CMIP: variants seen among roughly 807,000 people sequenced by gnomAD.
The protein encoded by CMIP is C-Maf-inducing protein.
In CMIP, 13 loss-of-function variants were observed where a neutral mutation model predicts 97.3. The observed-to-expected ratio is 0.13, with a 90% CI of 0.09 to 0.21. The LOEUF (loss-of-function observed/expected upper bound fraction) is 0.21, where lower values mean the gene tolerates loss of function less well. Among genes scored for constraint, CMIP ranks in the 10% least tolerant of loss-of-function variants. The probability of loss-of-function intolerance (pLI) is 1.00; values close to 1 mark genes in which losing one functional copy is unlikely to be tolerated. For missense variants in CMIP, 847 were observed against 1,024.9 expected (o/e 0.83, Z 2.37); for synonymous variants, 538 against 436.3 (o/e 1.23, Z -2.91).
intron 1 of CMIP, among the ~76,000 whole-genome samples, chr16:81,489,851 C>T (rs1479847284): frequency 6.6e-6 from 1 of 152,242 alleles, no homozygotes; most frequent in Non-Finnish European, 1.5e-5. Context: ...GGGAACTTCC[C>T]CAGCTCTCCA....
At chr16:81,699,652 C>T (rs74379562) in intron 14 of CMIP, 33 bp from the exon 15 acceptor site, 2 of 1,440,102 alleles carry the variant, frequency 1.4e-6, no homozygotes, top group Admixed American at 1.7e-5. Context: ...CTGGGTGTCT[C>T]TGTCCCTTCA....
intron 1 of CMIP, among the ~76,000 whole-genome samples, chr16:81,593,660 C>A (rs1485729922): frequency 1.3e-5 from 2 of 152,190 alleles, no homozygotes; most frequent in African/African-American, 4.8e-5. Context: ...TGCCCGCCGA[C>A]CACCTGGCGC....
intron 1 of CMIP, chr16:81,476,031 G>T: frequency 4.5e-6 from 3 of 662,692 alleles, no homozygotes; most frequent in Admixed American, 2.0e-5. Flanking sequence ...CTTTATTCAA[G>T]TTGTCCACAG....
chr16:81,689,869 A>C (rs1355190705), intron 10 of CMIP, among the ~76,000 whole-genome samples: 2 of 152,230 alleles, frequency 1.3e-5, no homozygotes, highest in Non-Finnish European at 2.9e-5. Flanking sequence ...AGCTTTCTAC[A>C]TATGGCTAGC....
intron 9 of CMIP, among the ~76,000 whole-genome samples, chr16:81,672,800 A>C (rs2092694950): frequency 1.3e-5 from 2 of 152,002 alleles, no homozygotes; most frequent in Admixed American, 1.3e-4. Context: ...CTAGTCTCAA[A>C]CTCCTGGGCT....
At chr16:81,668,503 C>G (rs1367412200) in intron 7 of CMIP, among the ~76,000 whole-genome samples, 7 of 152,194 alleles carry the variant, frequency 4.6e-5, no homozygotes, top group African/African-American at 9.7e-5. Flanking sequence ...TTCCTGACAC[C>G]TGGAAGAGGC....
intron 1 of CMIP, among the ~76,000 whole-genome samples, chr16:81,471,315 CGCACACATAT>C (rs545128875): frequency 6.0e-4 from 92 of 152,264 alleles, no homozygotes; most frequent in South Asian, 5.8e-3. Flanking sequence ...TGTACCCACA[CGCACACATAT>C]GCACACATAA....
At chr16:81,620,541 A>C (rs912319257) in intron 2 of CMIP, 8 of 269,738 alleles carry the variant, frequency 3.0e-5, no homozygotes, top group Admixed American at 2.4e-4. Context: ...CAGGCCTCCA[A>C]CCAGTTCATC....
chr16:81,571,554 A>G (rs1356733077), intron 1 of CMIP, among the ~76,000 whole-genome samples: 1 of 142,760 alleles, frequency 7.0e-6, no homozygotes, highest in African/African-American at 2.7e-5. Context: ...GTTTGAGACC[A>G]GTTTGGGCAA....
At chr16:81,568,138 G>A (rs2091017782) in intron 1 of CMIP, among the ~76,000 whole-genome samples, 1 of 149,266 alleles carries the variant, frequency 6.7e-6, no homozygotes, top group South Asian at 2.1e-4. Flanking sequence ...CCAGGGCCTT[G>A]CCTTCTAGGG....
chr16:81,578,142 C>T (rs112761788), intron 1 of CMIP, among the ~76,000 whole-genome samples: 5,365 of 150,926 alleles, frequency 0.036, 245 homozygotes, highest in African/African-American at 0.11. Context: ...CCATCATCAC[C>T]ATCACCACCA....
intron 1 of CMIP, among the ~76,000 whole-genome samples, chr16:81,494,975 A>G (rs62046562): frequency 0.089 from 13,511 of 152,264 alleles, 779 homozygotes; most frequent in South Asian, 0.21. Flanking sequence ...GTAACTAGCC[A>G]TGGATCATAG....
chr16:81,698,599 G>C (rs1420729553), intron 14 of CMIP, among the ~76,000 whole-genome samples: 1 of 152,140 alleles, frequency 6.6e-6, no homozygotes, highest in Non-Finnish European at 1.5e-5. Context: ...GGGCTTTTTT[G>C]TTTTTGGCAG....
At position 81,627,832 on chromosome 16, in the gene CMIP, C is replaced by T. The variant is rs1426110200; in HGVS notation, c.477+6906C>T. Among the ~76,000 whole-genome samples, 1 of 152,170 alleles carries T rather than the reference C, an allele frequency of 6.6e-6. No individual in the cohort carries two copies. The highest frequency in any genetic ancestry group is 1.5e-5 in the Non-Finnish European group (1 of 68,010). ...GCGGCGCCTCGGGAATGAGTCTGTT[C>T]CATGTTCTGTGTTGGGAGCTGGCGC... On this transcript the variant is annotated intron_variant, in intron 3 of 20. Transcript: ENST00000537098. This position sits in a 1 kb window ranked among gnomAD's most constrained non-coding sequence, Gnocchi z 4.6.
chr16:81,569,257 A>G (rs1296522667), intron 1 of CMIP, among the ~76,000 whole-genome samples: 1 of 152,166 alleles, frequency 6.6e-6, no homozygotes. Flanking sequence ...TTCTATACAT[A>G]CTGTCTCATT....
intron 1 of CMIP, among the ~76,000 whole-genome samples, chr16:81,580,679 A>T (rs1364812381): frequency 6.7e-6 from 1 of 150,362 alleles, no homozygotes; most frequent in Non-Finnish European, 1.5e-5. Flanking sequence ...CAAGTGATCC[A>T]CCCGTCTTCG....
intron 3 of CMIP, among the ~76,000 whole-genome samples, chr16:81,623,891 G>A (rs1292313755): frequency 6.6e-6 from 1 of 152,112 alleles, no homozygotes; most frequent in Admixed American, 6.5e-5. Flanking sequence ...GAGATCAAGT[G>A]ACTTGCCTAC....
chr16:81,664,460 G>A (rs750497852), intron 7 of CMIP, 111 bp downstream of exon 7: 95 of 1,001,398 alleles, frequency 9.5e-5, no homozygotes, highest in African/African-American at 2.6e-4. Flanking sequence ...TTGGCCCAGC[G>A]TGACAGCCAG....
chr16:81,522,438 T>A (rs920575634), intron 1 of CMIP, among the ~76,000 whole-genome samples: 3 of 152,258 alleles, frequency 2.0e-5, no homozygotes, highest in African/African-American at 7.2e-5. Flanking sequence ...TCTTCTGGCA[T>A]AGCCATGGGG....
Sources: gnomAD v4.1 joint callset for allele counts (sites outside exome capture counted in the v4.1 genomes callset) on GRCh38, gnomAD v4.1.1 for gene constraint, Gnocchi (gnomAD v3.1) non-coding constraint, MANE v1.5 for transcripts, NCBI Gene and HGNC (gene_info 2026-07-23, HGNC 2026-07-21) for gene names.